Variants in DCDC1 observed in about 807,000 individuals in gnomAD.
The protein encoded by DCDC1 is doublecortin domain containing 1.
In DCDC1, 200 loss-of-function variants were observed where a neutral mutation model predicts 178.3. The observed-to-expected ratio is 1.12, with a 90% CI of 1.00 to 1.26. The LOEUF is 1.26. Among genes scored for constraint, DCDC1 ranks in the 50% most tolerant of loss-of-function variants. DCDC1 has a pLI of 0.00. For synonymous variants in DCDC1, 690 were observed against 604.8 expected, an observed-to-expected ratio of 1.14 and a Z score of -2.07; for missense variants, 1,983 against 1,749.2, an observed-to-expected ratio of 1.13 and a Z score of -2.38.
At chr11:31,369,305 T>C (rs1952144847) in intron 1 of DCDC1, among the ~76,000 whole-genome samples, 1 of 152,212 alleles carries the variant, frequency 6.6e-6, no homozygotes, top group African/African-American at 2.4e-5. Flanking sequence ...GAAATATTAA[T>C]AATTACGTCG....
intron 8 of DCDC1, among the ~76,000 whole-genome samples, chr11:31,257,546 A>G (rs1370558055): frequency 6.6e-6 from 1 of 152,130 alleles, no homozygotes; most frequent in Non-Finnish European, 1.5e-5. Flanking sequence ...GCTTGAAAAT[A>G]TGCTTAATTA....
At chr11:30,978,961 G>A (rs1950250850) in intron 20 of DCDC1, among the ~76,000 whole-genome samples, 2 of 152,038 alleles carry the variant, frequency 1.3e-5, no homozygotes. Flanking sequence ...TGTACATGTA[G>A]GGACTTGATT....
In DCDC1 at chr11:31,090,227, T is replaced by G. The variant is rs574684953; in HGVS notation, c.2237+1166A>C. The stretch of plus-strand genomic sequence containing the variant: ...ACATCTTCCTTTCCCATCTGCCTGA[T>G]TTTTTCAAGTGATGTACCCTGCTCA... On this transcript the variant is annotated intron_variant, in intron 17 of 38. Coordinates refer to ENST00000684477, the MANE Select transcript of DCDC1 (RefSeq NM_001387274.1). 5.3e-5 allele frequency among the ~76,000 whole-genome samples: 8 copies of G among 152,298 alleles called. No individual in the cohort carries two copies. In the South Asian group the frequency reaches 1.7e-3, roughly 32 times the overall value.
intron 1 of DCDC1, among the ~76,000 whole-genome samples, chr11:31,363,457 T>C (rs1458436045): frequency 6.6e-6 from 1 of 152,192 alleles, no homozygotes; most frequent in African/African-American, 2.4e-5. Flanking sequence ...GTCATGAATT[T>C]AATTTCCTAT....
At chr11:31,281,026 C>G (rs960371062) in intron 7 of DCDC1, 1 of 536,688 alleles carries the variant, frequency 1.9e-6, no homozygotes, top group South Asian at 1.5e-5. Context: ...GGTTCCCGCT[C>G]TGAAGCTAGA....
rs868160078 is a variant in DCDC1, at chr11:30,897,831, A to T, written c.4765+1710T>A. 2.0e-5 allele frequency among the ~76,000 whole-genome samples: 3 copies of T among 152,274 alleles called. No individual in the cohort carries two copies. The South Asian group carries it at 6.2e-4, about 32-fold the overall frequency. ...TAGAATGTATAATCTAACATAGGAA[A>T]GACTGTCACATAAATGGGTAATCAT... On this transcript the variant is annotated intron_variant, in intron 34 of 38. Transcript: ENST00000684477.
intron 20 of DCDC1, among the ~76,000 whole-genome samples, chr11:31,003,832 T>C (rs757627728): frequency 4.6e-5 from 7 of 152,124 alleles, no homozygotes; most frequent in Non-Finnish European, 8.8e-5. Context: ...GAGCACAATG[T>C]AGGAAATGTG....
At chr11:31,324,132 A>T (rs143074273) in intron 3 of DCDC1, among the ~76,000 whole-genome samples, 1 of 152,132 alleles carries the variant, frequency 6.6e-6, no homozygotes, top group African/African-American at 2.4e-5. Context: ...ATTGAATAAT[A>T]ACCAAAACGT....
chr11:31,089,812 T>C (rs571686025), intron 17 of DCDC1, among the ~76,000 whole-genome samples: 162 of 152,318 alleles, frequency 1.1e-3, no homozygotes, highest in Admixed American at 2.4e-3. Context: ...TTAGTTAACA[T>C]GTTCAATCTT....
In DCDC1 at chr11:31,240,077, T is replaced by G. The variant is rs545511558; in HGVS notation, c.1221+1373A>C. Among the ~76,000 whole-genome samples, 248 of 152,042 alleles carry G rather than the reference T, an allele frequency of 1.6e-3. 1 individual carries two copies. The highest frequency in any genetic ancestry group is 5.0e-3 in the South Asian group (24 of 4,830). Reference sequence around the variant, plus strand: ...CCTGAATTGGAGAATTGTCTCATTATTTCTTCTAACATTAAATAATTTTAA... The same window carrying G: ...CCTGAATTGGAGAATTGTCTCATTAGTTCTTCTAACATTAAATAATTTTAA... On this transcript the variant is annotated intron_variant, in intron 9 of 38. Coordinates refer to ENST00000684477, the MANE Select transcript of DCDC1 (RefSeq NM_001387274.1).
chr11:30,873,362 T>TAGAGAG (rs1220218244), intron 38 of DCDC1, among the ~76,000 whole-genome samples: 72 of 138,040 alleles, frequency 5.2e-4, no homozygotes, highest in Middle Eastern at 3.7e-3. Flanking sequence ...TATATATATA[T>TAGAGAG]ATAGAGAGAG....
At chr11:30,886,072 C>A (rs370709063) in intron 36 of DCDC1, among the ~76,000 whole-genome samples, 269 of 151,822 alleles carry the variant, frequency 1.8e-3, no homozygotes, top group African/African-American at 6.4e-3. Flanking sequence ...AGTGAACAGA[C>A]CAACTTGTAA....
intron 9 of DCDC1, among the ~76,000 whole-genome samples, chr11:31,161,688 G>A (rs1011241637): frequency 1.3e-5 from 2 of 152,110 alleles, no homozygotes; most frequent in Non-Finnish European, 2.9e-5. Flanking sequence ...ACACTGGATT[G>A]CTTCTTTGAC....
intron 9 of DCDC1, among the ~76,000 whole-genome samples, chr11:31,154,507 C>T (rs567961735): frequency 1.2e-4 from 18 of 152,168 alleles, no homozygotes; most frequent in Non-Finnish European, 2.4e-4. Flanking sequence ...ATGTTGATCC[C>T]TTCTACCAGA....
intron 20 of DCDC1, among the ~76,000 whole-genome samples, chr11:31,050,523 C>CT (rs1208146866): frequency 2.0e-5 from 3 of 152,190 alleles, no homozygotes; most frequent in African/African-American, 7.2e-5. Flanking sequence ...CTGGAAAGCA[C>CT]CGTGTCCTGG....
At chr11:31,267,106 T>C (rs974510901) in intron 7 of DCDC1, among the ~76,000 whole-genome samples, 11 of 152,210 alleles carry the variant, frequency 7.2e-5, no homozygotes, top group African/African-American at 2.4e-4. Context: ...ATTCAGAGCA[T>C]TGAGCAATTC....
At chr11:31,028,457 C>T (rs1391625463) in intron 20 of DCDC1, among the ~76,000 whole-genome samples, 6 of 151,912 alleles carry the variant, frequency 3.9e-5, no homozygotes, top group Admixed American at 1.3e-4. Context: ...GTTACTGATG[C>T]CCTGTCCATC....
At chr11:31,325,676 T>G (rs948681326) in intron 3 of DCDC1, among the ~76,000 whole-genome samples, 11 of 152,162 alleles carry the variant, frequency 7.2e-5, no homozygotes, top group Admixed American at 3.3e-4. Flanking sequence ...AAGTGGTCAC[T>G]GTATGGCTAC....
rs1214175944 is a variant in DCDC1, at chr11:31,079,546, T to G, written c.2238-1621A>C. ...AGTATAGGTGATAACCTGGGACTTG[T>G]GACTGGTGTTTTAAGTGAAGGCAGT... On this transcript the variant is annotated intron_variant, in intron 17 of 38. Coordinates refer to ENST00000684477, the MANE Select transcript of DCDC1 (RefSeq NM_001387274.1). Among the ~76,000 whole-genome samples the G allele has an allele frequency of 3.9e-5, 6 of 152,182 alleles. No individual in the cohort carries two copies. In the South Asian group the frequency reaches 1.0e-3, roughly 26 times the overall value.
Sources: allele counts gnomAD v4.1 joint callset (sites outside exome capture counted in the v4.1 genomes callset), GRCh38; gene constraint gnomAD v4.1.1; transcripts MANE v1.5; gene names NCBI Gene and HGNC (gene_info 2026-07-23, HGNC 2026-07-21).